Variants in CHL1 observed in about 807,000 individuals in gnomAD.
The protein encoded by CHL1 is neural cell adhesion molecule L1-like protein.
In CHL1, 96 loss-of-function variants were observed where a neutral mutation model predicts 141.9. That is an observed-to-expected ratio of 0.68 (90% CI 0.57 to 0.80). CHL1 has a LOEUF of 0.80. Among genes scored for constraint, CHL1 ranks in the 30% least tolerant of loss-of-function variants. The pLI is 0.00. For synonymous variants in CHL1, 613 were observed against 502.2 expected (o/e 1.22, Z -2.95); for missense variants, 1,820 against 1,457.2 (o/e 1.25, Z -4.05).
chr3:254,335 C>A (rs1039816301), intron 2 of CHL1, among the ~76,000 whole-genome samples: 1 of 152,170 alleles, frequency 6.6e-6, no homozygotes, highest in African/African-American at 2.4e-5. Flanking sequence ...GGAAACCAAC[C>A]TGCTATGGTA....
chr3:311,461 G>A (rs1292500812), intron 2 of CHL1, among the ~76,000 whole-genome samples: 1 of 151,782 alleles, frequency 6.6e-6, no homozygotes, highest in African/African-American at 2.4e-5. Flanking sequence ...CCTTGGGCAG[G>A]ACTGTGCTGA....
intron 8 of CHL1, 67 bp from the exon 9 acceptor site, chr3:344,522 T>C: frequency 8.2e-7 from 1 of 1,213,724 alleles, no homozygotes; most frequent in East Asian, 2.5e-5. Context: ...TTAAGAAAGA[T>C]GTGGTGTCAC....
At chr3:354,152 C>T (rs1703502034) in intron 10 of CHL1, among the ~76,000 whole-genome samples, 1 of 152,022 alleles carries the variant, frequency 6.6e-6, no homozygotes, top group South Asian at 2.1e-4. Flanking sequence ...TGTATAAATG[C>T]TATAAGATCA....
chr3:315,408 C>G (rs1428444551), intron 2 of CHL1, among the ~76,000 whole-genome samples: 1 of 152,038 alleles, frequency 6.6e-6, no homozygotes, highest in Non-Finnish European at 1.5e-5. Context: ...CTTGGGAGGC[C>G]AAGTAGAATG....
intron 1 of CHL1, among the ~76,000 whole-genome samples, chr3:241,992 C>T (rs556212075): frequency 1.3e-4 from 20 of 152,164 alleles, no homozygotes; most frequent in Middle Eastern, 3.4e-3. Context: ...ATTAGAAAGA[C>T]GTTTTCTTAG....
intron 3 of CHL1, among the ~76,000 whole-genome samples, chr3:321,545 G>A (rs1332092512): frequency 1.3e-5 from 2 of 152,038 alleles, no homozygotes; most frequent in Non-Finnish European, 2.9e-5. Context: ...CAACGAAGAT[G>A]CCACTGAGAT....
In CHL1 at chr3:390,999, T is replaced by C. The variant is rs368423319; in HGVS notation, c.2631T>C (p.His877=). 2 of 1,614,172 alleles carry C rather than the reference T, an allele frequency of 1.2e-6. No homozygotes were observed. Among genetic ancestry groups the C allele is most frequent in the African/African-American group, 1.3e-5 (1 of 75,064 alleles). Residue 877 remains histidine, a synonymous_variant, in exon 22 of 28, where the codon CAT becomes CAC. Transcript: ENST00000256509. ...KTKSLLDGRT[H]PKEVNILRFS... is the part of the protein sequence containing the mutation. ...AAAGTCTGTTGGATGGAAGAACACA[T>C]CCCAAAGAAGTGAACATTCTAAGAT...
intron 2 of CHL1, among the ~76,000 whole-genome samples, chr3:276,617 C>G (rs671932): frequency 6.6e-6 from 1 of 151,410 alleles, no homozygotes; most frequent in African/African-American, 2.4e-5. Context: ...GGGCTGGGCA[C>G]GGTGGCTCAC....
chr3:396,615 G>GT (rs1708691066), intron 24 of CHL1, among the ~76,000 whole-genome samples: 1 of 152,138 alleles, frequency 6.6e-6, no homozygotes, highest in Non-Finnish European at 1.5e-5. Flanking sequence ...AACTAAAAAT[G>GT]TAACTAATGT....
chr3:316,875 A>G (rs572242009), intron 2 of CHL1, among the ~76,000 whole-genome samples: 1 of 152,208 alleles, frequency 6.6e-6, no homozygotes, highest in South Asian at 2.1e-4. Flanking sequence ...AGCATGAGGC[A>G]TTAAATGCCA....
At chr3:268,703 A>G (rs1006063459) in intron 2 of CHL1, among the ~76,000 whole-genome samples, 3 of 152,220 alleles carry the variant, frequency 2.0e-5, no homozygotes, top group East Asian at 3.8e-4. Context: ...CTGAATAAGA[A>G]TTAACTTTGA....
At chr3:242,269 A>C (rs1383727117) in intron 1 of CHL1, among the ~76,000 whole-genome samples, 2 of 152,040 alleles carry the variant, frequency 1.3e-5, no homozygotes, top group Non-Finnish European at 2.9e-5. Flanking sequence ...GAGATCATGC[A>C]CCTACAACAT....
At chr3:200,706 G>A (rs1273665333) in intron 1 of CHL1, among the ~76,000 whole-genome samples, 1 of 152,134 alleles carries the variant, frequency 6.6e-6, no homozygotes, top group Non-Finnish European at 1.5e-5. Flanking sequence ...CTATCTACAA[G>A]TAGAATTGGC....
chr3:250,589 T>C lies in CHL1; in HGVS notation c.-95+5897T>C, dbSNP rs993371572. Among the ~76,000 whole-genome samples the C allele has an allele frequency of 2.6e-5, 4 of 152,098 alleles. No homozygotes were observed. The East Asian group carries it at 7.7e-4, about 29-fold the overall frequency. ...CGGGGAAGACCCTCACAAAAGGAAGTGTATGTCCTCCTTTTAGGCCTATAG... is the reference window on the plus strand; with the variant it reads ...CGGGGAAGACCCTCACAAAAGGAAGCGTATGTCCTCCTTTTAGGCCTATAG... On this transcript the variant is annotated intron_variant, in intron 2 of 27. Transcript: ENST00000256509.
intron 2 of CHL1, among the ~76,000 whole-genome samples, chr3:314,349 A>G (rs1225222578): frequency 1.9e-4 from 23 of 120,706 alleles, no homozygotes; most frequent in African/African-American, 6.6e-4. Flanking sequence ...ATATATATAT[A>G]TATATATATA....
At chr3:320,037 A>T (rs1292057519) in intron 3 of CHL1, among the ~76,000 whole-genome samples, 170 bp downstream of exon 3, 1 of 152,050 alleles carries the variant, frequency 6.6e-6, no homozygotes. Flanking sequence ...TGGGTGGCTG[A>T]TACATGACTG....
intron 11 of CHL1, among the ~76,000 whole-genome samples, chr3:359,586 A>T (rs2125252023): frequency 6.6e-6 from 1 of 152,286 alleles, no homozygotes; most frequent in South Asian, 2.1e-4. Flanking sequence ...TACAGGTATG[A>T]GCCACCATGC....
At chr3:366,994 C>T (rs1367383298) in intron 15 of CHL1, among the ~76,000 whole-genome samples, 1 of 152,150 alleles carries the variant, frequency 6.6e-6, no homozygotes, top group Non-Finnish European at 1.5e-5. Context: ...TTCTTCCTGC[C>T]AGAGAGTACT....
chr3:398,517 G>A, intron 25 of CHL1, 132 bp downstream of exon 25: 1 of 529,406 alleles, frequency 1.9e-6, no homozygotes, highest in Non-Finnish European at 3.2e-6. Flanking sequence ...ATTTCAATTT[G>A]TTTTGACATA....
Sources: allele counts gnomAD v4.1 joint callset (sites outside exome capture counted in the v4.1 genomes callset), GRCh38; gene constraint gnomAD v4.1.1; transcripts MANE v1.5; gene names NCBI Gene and HGNC (gene_info 2026-07-23, HGNC 2026-07-21).